Variants in PBX4 observed in about 807,000 individuals in gnomAD.
The protein encoded by PBX4 is PBX homeobox 4.
Under a neutral mutation model 35.1 loss-of-function variants are expected in PBX4, and 26 were observed. That is an observed-to-expected ratio of 0.74 (90% CI 0.54 to 1.03). The LOEUF (loss-of-function observed/expected upper bound fraction) is 1.03, where lower values mean the gene tolerates loss of function less well. Ranked by LOEUF, PBX4 falls within the 50% of genes least tolerant of loss-of-function variation. PBX4 has a pLI of 0.00. For missense variants in PBX4, 448 were observed against 504.3 expected (o/e 0.89, Z 1.07); for synonymous variants, 199 against 204.2 (o/e 0.97, Z 0.22).
chr19:19,596,175 T>C (rs578001154), intron 2 of PBX4, among the ~76,000 whole-genome samples: 1 of 152,090 alleles, frequency 6.6e-6, no homozygotes, highest in African/African-American at 2.4e-5. Flanking sequence ...GCAGGTCACT[T>C]GAGGTCAGGA....
chr19:19,589,756 C>T (rs1204049297), intron 2 of PBX4, among the ~76,000 whole-genome samples: 3 of 152,140 alleles, frequency 2.0e-5, no homozygotes, highest in East Asian at 3.9e-4. Flanking sequence ...GGTGACAGAG[C>T]GAGACTCCAT....
At position 19,561,941 on chromosome 19, in the gene PBX4, C is replaced by G. The variant is rs1487532543; in HGVS notation, c.*84G>C. 3.3e-6 allele frequency: 4 copies of G among 1,229,232 alleles called. No individual in the cohort carries two copies. Among genetic ancestry groups the G allele is most frequent in the Non-Finnish European group, 3.4e-6 (3 of 885,080 alleles). 76.1% of individuals were successfully genotyped at this position (1,229,232 alleles called of 1,614,324 possible). A position where few individuals can be genotyped will look rare whatever the true frequency, so the allele number is the denominator to read the frequency against. On this transcript the variant is annotated 3_prime_UTR_variant, in exon 8 of 8. Coordinates refer to ENST00000251203, the MANE Select transcript of PBX4 (RefSeq NM_025245.3). ...ACCACCCATCTGGGTTTTCTGAGGT[C>G]GTCGGCGGCACGTTCAGTAACAAAG...
chr19:19,587,086 C>T (rs1235314589), intron 2 of PBX4, among the ~76,000 whole-genome samples: 1 of 151,938 alleles, frequency 6.6e-6, no homozygotes, highest in African/African-American at 2.4e-5. Context: ...CTCACTGCAA[C>T]CTCTGCCTCT....
chr19:19,618,036 C>T (rs2061697153), intron 1 of PBX4, among the ~76,000 whole-genome samples: 1 of 152,158 alleles, frequency 6.6e-6, no homozygotes, highest in African/African-American at 2.4e-5. Flanking sequence ...GCACGTGCGC[C>T]TGTGGTCCCA....
At chr19:19,613,143 A>C (rs905486431) in intron 1 of PBX4, among the ~76,000 whole-genome samples, 1 of 151,746 alleles carries the variant, frequency 6.6e-6, no homozygotes, top group African/African-American at 2.4e-5. Flanking sequence ...GCCTTAAAAC[A>C]AAAAGAGCTA....
At chr19:19,605,445 A>ATAATAATAG (rs2061624673) in intron 1 of PBX4, among the ~76,000 whole-genome samples, 1 of 143,878 alleles carries the variant, frequency 7.0e-6, no homozygotes, top group South Asian at 2.2e-4. Flanking sequence ...AATAATAATA[A>ATAATAATAG]TAACAATAAT....
intron 1 of PBX4, among the ~76,000 whole-genome samples, chr19:19,604,437 C>T (rs377384249): frequency 2.1e-3 from 239 of 112,492 alleles, no homozygotes; most frequent in African/African-American, 8.2e-3. Flanking sequence ...ACTGCACTCC[C>T]GTCTGGGCAA....
At chr19:19,598,913 C>CTTT (rs34982058) in intron 2 of PBX4, among the ~76,000 whole-genome samples, 6 of 112,588 alleles carry the variant, frequency 5.3e-5, no homozygotes, top group African/African-American at 1.3e-4. Context: ...CAGGAAGTGC[C>CTTT]TTTTTTTTTT....
chr19:19,610,116 T>TA (rs1260664552), intron 1 of PBX4, among the ~76,000 whole-genome samples: 2 of 152,140 alleles, frequency 1.3e-5, no homozygotes, highest in African/African-American at 4.8e-5. Flanking sequence ...GGAATTGTTT[T>TA]AAAACTAACA....
Position 19,564,873 on chromosome 19 carries a change from T to C in PBX4, c.925+60A>G, listed in dbSNP as rs945216141. 17 of 1,603,932 alleles carry C rather than the reference T, an allele frequency of 1.1e-5. No individual in the cohort carries two copies. The South Asian group carries it at 1.3e-4, about 12-fold the overall frequency. On this transcript the variant is annotated intron_variant, in intron 6 of 7. Coordinates refer to ENST00000251203, the MANE Select transcript of PBX4 (RefSeq NM_025245.3). ...GTGGTCCCACTGTGGCCTCCCCAGA[T>C]GCAGCTCAGTGGCCGTCCACATGGG...
chr19:19,583,593 AAAGT>A (rs1454646730), intron 2 of PBX4, among the ~76,000 whole-genome samples: 2 of 152,098 alleles, frequency 1.3e-5, no homozygotes, highest in Non-Finnish European at 2.9e-5. Flanking sequence ...CCAGTTCGAC[AAAGT>A]AAGACCCCCT....
At position 19,563,540 on chromosome 19, in the gene PBX4, G is replaced by A; in HGVS notation, c.1001C>T (p.Pro334Leu). The stretch of plus-strand genomic sequence containing the variant: ...CTGCAGGCAGCCTCCCCCAGGAGGA[G>A]GCTGGAGAGAGGCCAGAGTCCGCAG... ...LTLRTLASLQ[P>L]PPGGGCLQSQ... The change falls in exon 7 of 8, where the codon CCT (proline) becomes CTT (leucine). Residue 334 changes from proline (P) to leucine (L), a missense_variant. Pro to Leu is a moderately conservative substitution (Grantham distance 98, BLOSUM62 -3). Transcript: ENST00000251203. This position sits in a 1 kb window ranked among gnomAD's most constrained non-coding sequence, Gnocchi z 5.1. The A allele has an allele frequency of 6.4e-7, 1 of 1,550,762 alleles. No individual in the cohort carries two copies. The highest frequency in any genetic ancestry group is 8.7e-7 in the Non-Finnish European group (1 of 1,147,030).
chr19:19,614,602 C>T (rs1314004352), intron 1 of PBX4, among the ~76,000 whole-genome samples: 1 of 151,208 alleles, frequency 6.6e-6, no homozygotes, highest in African/African-American at 2.4e-5. Flanking sequence ...CGCCACTGCA[C>T]TCCAGCCTGA....
At chr19:19,584,623 GTTTT>G (rs34113731) in intron 2 of PBX4, among the ~76,000 whole-genome samples, 1 of 132,116 alleles carries the variant, frequency 7.6e-6, no homozygotes, top group Non-Finnish European at 1.6e-5. Context: ...CCAAGGGCTG[GTTTT>G]TTTTTTTTTT....
intron 2 of PBX4, among the ~76,000 whole-genome samples, chr19:19,578,187 CA>C (rs34045847): frequency 0.082 from 6,596 of 80,402 alleles, 357 homozygotes; most frequent in African/African-American, 0.22. Context: ...GACTCCATCT[CA>C]AAAAAAAAAA....
intron 2 of PBX4, among the ~76,000 whole-genome samples, chr19:19,595,019 G>A (rs1244968830): frequency 6.6e-6 from 1 of 152,180 alleles, no homozygotes; most frequent in Non-Finnish European, 1.5e-5. Context: ...ACCGCACCCA[G>A]CCTTTAAAAA....
At chr19:19,611,355 T>C (rs1458635841) in intron 1 of PBX4, among the ~76,000 whole-genome samples, 1 of 152,086 alleles carries the variant, frequency 6.6e-6, no homozygotes, top group East Asian at 1.9e-4. Flanking sequence ...TGCAAATCTC[T>C]ACTAGTTGAG....
At chr19:19,581,760 G>A (rs955367713) in intron 2 of PBX4, among the ~76,000 whole-genome samples, 35 of 152,334 alleles carry the variant, frequency 2.3e-4, no homozygotes, top group Non-Finnish European at 4.4e-5. Context: ...GAAGGCTGCG[G>A]GAACCCAGGT....
intron 2 of PBX4, 171 bp from the exon 3 acceptor site, chr19:19,571,004 T>A: frequency 1.2e-6 from 1 of 842,242 alleles, no homozygotes; most frequent in Non-Finnish European, 1.8e-6. Context: ...AGCACCCCGC[T>A]AAGACATGGG....
Sources: allele counts gnomAD v4.1 joint callset (sites outside exome capture counted in the v4.1 genomes callset), GRCh38; gene constraint gnomAD v4.1.1; non-coding constraint Gnocchi (gnomAD v3.1); transcripts MANE v1.5; gene names NCBI Gene and HGNC (gene_info 2026-07-23, HGNC 2026-07-21).